The following LINGO2 variants were observed in gnomAD, a reference collection of about 807,000 sequenced individuals.
The protein encoded by LINGO2 is leucine rich repeat and Ig domain containing 2.
Under a neutral mutation model 30.6 loss-of-function variants are expected in LINGO2, and 14 were observed. That is an observed-to-expected ratio of 0.46 (90% CI 0.30 to 0.72). The LOEUF (loss-of-function observed/expected upper bound fraction) is 0.72, where lower values mean the gene tolerates loss of function less well. LINGO2 is among the 30% of genes least tolerant of loss of function. The pLI, the probability that LINGO2 is intolerant of heterozygous loss-of-function variation, is 0.07. For synonymous variants in LINGO2, 317 were observed against 288.5 expected, an observed-to-expected ratio of 1.10 and a Z score of -1.00; for missense variants, 729 against 751.7, an observed-to-expected ratio of 0.97 and a Z score of 0.35.
intron 4 of LINGO2, among the ~76,000 whole-genome samples, chr9:28,210,422 TG>T (rs1820548116): frequency 6.6e-6 from 1 of 151,674 alleles, no homozygotes; most frequent in Non-Finnish European, 1.5e-5. Flanking sequence ...AAAATGTAGC[TG>T]TAAGAATAAA....
the LINGO2 span, among the ~76,000 whole-genome samples, chr9:28,827,969 G>C: frequency 3.3e-5 from 5 of 151,940 alleles, no homozygotes; most frequent in Non-Finnish European, 7.4e-5. Flanking sequence ...ATCTATATTG[G>C]TATATATGTT....
At chr9:28,615,759 A>C (rs1291212594) in intron 1 of LINGO2, among the ~76,000 whole-genome samples, 1 of 152,168 alleles carries the variant, frequency 6.6e-6, no homozygotes, top group African/African-American at 2.4e-5. Context: ...AAAAGCTATC[A>C]TTCTTGGGAC....
the LINGO2 span, among the ~76,000 whole-genome samples, chr9:28,729,627 AAC>A: frequency 6.6e-6 from 1 of 152,122 alleles, no homozygotes; most frequent in Admixed American, 6.6e-5. Flanking sequence ...ACTTAAAAAA[AAC>A]AGAGTCTCAA....
At chr9:28,665,702 C>G (rs968927799) in intron 1 of LINGO2, among the ~76,000 whole-genome samples, 1 of 152,014 alleles carries the variant, frequency 6.6e-6, no homozygotes, top group Non-Finnish European at 1.5e-5. Flanking sequence ...AAATATAAAG[C>G]TTTTAATAGC....
At chr9:28,027,314 T>C (rs1012381394) in intron 4 of LINGO2, among the ~76,000 whole-genome samples, 1 of 152,120 alleles carries the variant, frequency 6.6e-6, no homozygotes, top group Non-Finnish European at 1.5e-5. Context: ...ATCTCGCAAG[T>C]GGTGGTTCAA....
chr9:28,005,142 C>T (rs1822197833), intron 5 of LINGO2, among the ~76,000 whole-genome samples: 1 of 152,172 alleles, frequency 6.6e-6, no homozygotes, highest in Non-Finnish European at 1.5e-5. Flanking sequence ...TAACACATGA[C>T]TCTCAACTGG....
chr9:28,608,223 T>C (rs1825773838), intron 1 of LINGO2, among the ~76,000 whole-genome samples: 1 of 151,900 alleles, frequency 6.6e-6, no homozygotes, highest in Non-Finnish European at 1.5e-5. Flanking sequence ...ATTCTAACAC[T>C]TTCCCTAAAA....
At chr9:28,330,327 CAAGCTAAGACAAAGAG>C (rs762697279) in intron 3 of LINGO2, among the ~76,000 whole-genome samples, 2 of 152,016 alleles carry the variant, frequency 1.3e-5, no homozygotes, top group African/African-American at 2.4e-5. Flanking sequence ...TATGACAGCC[CAAGCTAAGACAAAGAG>C]CAGTTTTAGG....
chr9:29,110,880 G>A, the LINGO2 span, among the ~76,000 whole-genome samples: 4 of 149,258 alleles, frequency 2.7e-5, no homozygotes, highest in East Asian at 4.1e-4. Context: ...TAGTAGAGAC[G>A]GAGTTTCACC....
intron 1 of LINGO2, among the ~76,000 whole-genome samples, chr9:28,598,433 AAC>A (rs1491013249): frequency 3.8e-5 from 5 of 130,234 alleles, no homozygotes; most frequent in African/African-American, 1.1e-4. Flanking sequence ...AAAAAAAAAA[AAC>A]AAAACAAACA....
At chr9:27,949,858 G>A (rs751863665) in exon 6 of LINGO2, 3 of 1,613,924 alleles carry the variant, frequency 1.9e-6, no homozygotes, top group African/African-American at 1.3e-5. Flanking sequence ...AGGTATACCA[G>A]GTGTTTAAAG....
intron 4 of LINGO2, among the ~76,000 whole-genome samples, chr9:28,068,345 C>T (rs569104600): frequency 8.6e-4 from 131 of 152,226 alleles, no homozygotes; most frequent in Middle Eastern, 3.4e-3. Flanking sequence ...TGTGTGCTCA[C>T]AATGCCTCTT....
At position 28,054,064 on chromosome 9, in the gene LINGO2, CA is replaced by C. The variant is rs11461978; in HGVS notation, c.-86-41660del. On this transcript the variant is annotated intron_variant, in intron 4 of 5. Transcript: ENST00000379992. ...CGTGGGTTGCAGCCCAGCTAGCAGA[CA>C]AAAAAAAAGAGAAAGTGGGATTCTG... Among the ~76,000 whole-genome samples the C allele has an allele frequency of 5.1e-3, 759 of 149,186 alleles. 13 individuals carry two copies. The highest frequency in any genetic ancestry group is 0.016 in the African/African-American group (665 of 40,706).
chr9:28,873,073 A>G, the LINGO2 span, among the ~76,000 whole-genome samples: 2 of 152,068 alleles, frequency 1.3e-5, no homozygotes, highest in South Asian at 4.1e-4. Context: ...AACATTCTCT[A>G]CTAGTAAGAA....
At chr9:28,149,523 A>G (rs1294993392) in intron 4 of LINGO2, among the ~76,000 whole-genome samples, 3 of 149,844 alleles carry the variant, frequency 2.0e-5, no homozygotes, top group Admixed American at 6.6e-5. Flanking sequence ...CAGTCTGGGA[A>G]GTGAGGAGCG....
chr9:28,297,043 T>C (rs371125130), intron 3 of LINGO2, among the ~76,000 whole-genome samples: 6 of 152,168 alleles, frequency 3.9e-5, no homozygotes, highest in African/African-American at 1.2e-4. Context: ...AGAAGCCGTA[T>C]ACTAGTGGAC....
chr9:28,719,469 T>C, the LINGO2 span, among the ~76,000 whole-genome samples: 1 of 152,112 alleles, frequency 6.6e-6, no homozygotes, highest in South Asian at 2.1e-4. Flanking sequence ...CCCAAACTCA[T>C]CAGTGTACAA....
chr9:28,324,278 C>T (rs370537656), intron 3 of LINGO2, among the ~76,000 whole-genome samples: 1 of 152,120 alleles, frequency 6.6e-6, no homozygotes, highest in Non-Finnish European at 1.5e-5. Context: ...ATTTTATAAG[C>T]TTCAAGCCCC....
intron 4 of LINGO2, among the ~76,000 whole-genome samples, chr9:28,038,064 C>A (rs974196571): frequency 1.3e-5 from 2 of 152,158 alleles, no homozygotes; most frequent in Non-Finnish European, 2.9e-5. Context: ...AACCACCATA[C>A]CACTTTTTAA....
Sources: gnomAD v4.1 joint callset for allele counts (sites outside exome capture counted in the v4.1 genomes callset) on GRCh38, gnomAD v4.1.1 for gene constraint, MANE v1.5 for transcripts, NCBI Gene and HGNC (gene_info 2026-07-23, HGNC 2026-07-21) for gene names.